Variants in CHM observed in about 807,000 individuals in gnomAD.
CHM encodes the protein CHM Rab escort protein, also known as rab proteins geranylgeranyltransferase component A 1.
In CHM, 10 loss-of-function variants were observed where a neutral mutation model predicts 49.0. The ratio of observed to expected loss-of-function variants is 0.20; its 90% CI spans 0.13 to 0.35. CHM has a LOEUF of 0.35. Ranked by LOEUF, CHM falls within the 10% of genes least tolerant of loss-of-function variation. CHM has a pLI of 1.00. For missense variants in CHM, 455 were observed against 478.4 expected, an observed-to-expected ratio of 0.95 and a Z score of 0.46; for synonymous variants, 184 against 167.5, an observed-to-expected ratio of 1.10 and a Z score of -0.76.
chrX:85,888,278 C>T (rs1925223856), intron 12 of CHM, among the ~76,000 whole-genome samples: 1 of 112,126 alleles, frequency 8.9e-6, no homozygotes, highest in South Asian at 3.7e-4. Flanking sequence ...CAGCTCATAA[C>T]TCATAACGTT....
At chrX:85,944,621 T>G (rs1324138235) in intron 8 of CHM, among the ~76,000 whole-genome samples, 1 of 112,119 alleles carries the variant, frequency 8.9e-6, no homozygotes, top group Non-Finnish European at 1.9e-5. Flanking sequence ...TTTTAAAAGC[T>G]GTAAGTTAGA....
At chrX:85,973,192 G>A (rs1429083791) in intron 4 of CHM, among the ~76,000 whole-genome samples, 33 of 103,935 alleles carry the variant, frequency 3.2e-4, no homozygotes, top group Non-Finnish European at 6.3e-4. Flanking sequence ...CCAGCTACTC[G>A]GGAGGCTGAG....
At chrX:85,995,971 A>G (rs752893699) in intron 2 of CHM, among the ~76,000 whole-genome samples, 2 of 112,162 alleles carry the variant, frequency 1.8e-5, no homozygotes, top group African/African-American at 6.5e-5. Flanking sequence ...TTATTTATCT[A>G]AAGAGACAAT....
intron 4 of CHM, among the ~76,000 whole-genome samples, chrX:85,976,114 G>C (rs1931240664): frequency 9.0e-6 from 1 of 111,494 alleles, no homozygotes; most frequent in African/African-American, 3.3e-5. Context: ...ACTTTTTCAA[G>C]TGGAGGATAA....
At chrX:85,932,585 G>A (rs770411361) in intron 8 of CHM, among the ~76,000 whole-genome samples, 2 of 111,916 alleles carry the variant, frequency 1.8e-5, no homozygotes, top group East Asian at 2.8e-4. Context: ...CTTCTGAGTC[G>A]CACTTGATTT....
At chrX:85,950,745 G>A (rs777927978) in intron 8 of CHM, among the ~76,000 whole-genome samples, 39 of 111,698 alleles carry the variant, frequency 3.5e-4, no homozygotes, top group Admixed American at 2.1e-3. Context: ...GGTCTAAAAT[G>A]GTTGAATAAT....
rs756514787 is a variant in CHM, at chrX:85,981,498, C to T, written c.189+239G>A. On this transcript the variant is annotated intron_variant, in intron 3 of 14. Coordinates refer to ENST00000357749, the MANE Select transcript of CHM (RefSeq NM_000390.4). ...ATCCGCCCACCTTGGCCTCCCAAAG[C>T]GCTGGAATTACAGGCATGAGCCATC... Among the ~76,000 whole-genome samples the T allele has an allele frequency of 4.0e-4, 44 of 110,436 alleles. 1 individual carries two copies. The highest frequency in any genetic ancestry group is 1.3e-3 in the African/African-American group (40 of 30,335).
At chrX:85,879,664 T>C (rs1279916665) in intron 12 of CHM, among the ~76,000 whole-genome samples, 1 of 111,391 alleles carries the variant, frequency 9.0e-6, no homozygotes, top group Non-Finnish European at 1.9e-5. Context: ...AGGCCCTTCA[T>C]GGAAGTAAAA....
At chrX:85,981,175 A>C (rs1931569657) in intron 3 of CHM, among the ~76,000 whole-genome samples, 1 of 98,518 alleles carries the variant, frequency 1.0e-5, no homozygotes, top group South Asian at 4.2e-4. Context: ...TTAAGTACAA[A>C]CAGTTTACTC....
chrX:85,919,498 G>A (rs941048375), intron 8 of CHM, among the ~76,000 whole-genome samples: 3 of 110,372 alleles, frequency 2.7e-5, no homozygotes, highest in African/African-American at 6.6e-5. Flanking sequence ...TATAGATGCC[G>A]AGATACAGGG....
intron 7 of CHM, among the ~76,000 whole-genome samples, chrX:85,957,536 G>GT (rs1164805901): frequency 9.0e-6 from 1 of 110,609 alleles, no homozygotes; most frequent in Non-Finnish European, 1.9e-5. Flanking sequence ...GTTGACAGTA[G>GT]TATTTAAATA....
intron 2 of CHM, among the ~76,000 whole-genome samples, chrX:86,007,141 C>G (rs1192311132): frequency 2.2e-4 from 25 of 111,665 alleles, no homozygotes; most frequent in Non-Finnish European, 3.8e-5. Flanking sequence ...ATAAACCTGA[C>G]AAAAACAAGA....
Position 85,971,389 on chromosome X carries a change from GTTTCTTCC to G in CHM, c.315-7345_315-7338del, listed in dbSNP as rs1429014260. The G allele has an allele frequency of 2.1e-3, 366 of 177,823 alleles. 1 individual carries two copies. Among genetic ancestry groups the G allele is most frequent in the Non-Finnish European group, 3.2e-3 (347 of 109,545 alleles). The allele number at this position is 177,823 out of a possible 1,213,427, so 14.7% of individuals were successfully genotyped here. On this transcript the variant is annotated intron_variant, in intron 4 of 14. Coordinates refer to ENST00000357749, the MANE Select transcript of CHM (RefSeq NM_000390.4). ...CTTCTGATGTTCAGATGTGTTCGGA[GTTTCTTCC>G]TTCTGGTGGGTTCGTGGTCTCGCTG...
At chrX:85,880,491 A>G (rs1319210433) in intron 12 of CHM, among the ~76,000 whole-genome samples, 4 of 111,214 alleles carry the variant, frequency 3.6e-5, no homozygotes, top group Non-Finnish European at 7.6e-5. Context: ...AAAGTTCTCA[A>G]TTTTCCAGTT....
chrX:85,988,424 T>C (rs1932022832), intron 2 of CHM, among the ~76,000 whole-genome samples: 1 of 111,648 alleles, frequency 9.0e-6, no homozygotes, highest in South Asian at 3.8e-4. Context: ...AAGCTAGGAT[T>C]CACCTTGAAA....
At chrX:86,031,835 C>A (rs200522328) in intron 1 of CHM, among the ~76,000 whole-genome samples, 1 of 109,900 alleles carries the variant, frequency 9.1e-6, no homozygotes, top group East Asian at 2.8e-4. Flanking sequence ...AGAAAAACTC[C>A]GTCTCAAAAA....
intron 4 of CHM, among the ~76,000 whole-genome samples, chrX:85,964,411 T>C (rs1470883673): frequency 9.1e-6 from 1 of 109,346 alleles, no homozygotes; most frequent in Non-Finnish European, 1.9e-5. Flanking sequence ...TTACCCTCAA[T>C]TTAGGTAATT....
chrX:85,920,736 G>A lies in CHM; in HGVS notation c.1167-9398C>T, dbSNP rs572463400. Among the ~76,000 whole-genome samples the A allele has an allele frequency of 3.8e-4, 43 of 111,952 alleles. 1 individual carries two copies. In the South Asian group the frequency reaches 0.016, roughly 41 times the overall value. On this transcript the variant is annotated intron_variant, in intron 8 of 14. Coordinates refer to ENST00000357749, the MANE Select transcript of CHM (RefSeq NM_000390.4). ...TTGAGGTCATTTAGGAAATGGTATT[G>A]CTGGGGTAAAAATCCAAGTGATTTG...
At chrX:85,971,584 G>A (rs1051170942) in intron 4 of CHM, 6 of 295,176 alleles carry the variant, frequency 2.0e-5, no homozygotes, top group Non-Finnish European at 3.9e-5. Flanking sequence ...AAGCAGCGTG[G>A]ACCTAAAGAC....
Sources: gnomAD v4.1 joint callset for allele counts (sites outside exome capture counted in the v4.1 genomes callset) on GRCh38, gnomAD v4.1.1 for gene constraint, MANE v1.5 for transcripts, NCBI Gene and HGNC (gene_info 2026-07-23, HGNC 2026-07-21) for gene names.